The following FOXN3 variants were observed in gnomAD, a reference collection of about 807,000 sequenced individuals.
The protein encoded by FOXN3 is forkhead box N3.
Under a neutral mutation model 38.4 loss-of-function variants are expected in FOXN3, and 7 were observed. That is an observed-to-expected ratio of 0.18 (90% CI 0.10 to 0.34). The LOEUF (loss-of-function observed/expected upper bound fraction) is 0.34, where lower values mean the gene tolerates loss of function less well. FOXN3 is among the 10% of genes least tolerant of loss of function. FOXN3 has a pLI of 1.00. For missense variants in FOXN3, 456 were observed against 613.4 expected (o/e 0.74, Z 2.71); for synonymous variants, 230 against 242.2 (o/e 0.95, Z 0.47).
At chr14:89,439,934 G>A (rs973190004) in intron 1 of FOXN3, among the ~76,000 whole-genome samples, 2 of 152,130 alleles carry the variant, frequency 1.3e-5, no homozygotes, top group Non-Finnish European at 2.9e-5. Flanking sequence ...GATTACAGGC[G>A]TGACCCACCG....
intron 1 of FOXN3, among the ~76,000 whole-genome samples, chr14:89,537,477 ATG>A (rs1894713014): frequency 6.6e-6 from 1 of 152,134 alleles, no homozygotes; most frequent in African/African-American, 2.4e-5. Flanking sequence ...GGATGGATGG[ATG>A]GATGGATGGA....
intron 3 of FOXN3, among the ~76,000 whole-genome samples, chr14:89,300,602 T>G (rs903936947): frequency 6.6e-6 from 1 of 152,180 alleles, no homozygotes; most frequent in African/African-American, 2.4e-5. Flanking sequence ...TGATTTCCCT[T>G]GATTATTCAT....
intron 4 of FOXN3, among the ~76,000 whole-genome samples, chr14:89,207,566 T>C (rs1225470918): frequency 6.6e-6 from 1 of 151,738 alleles, no homozygotes; most frequent in Non-Finnish European, 1.5e-5. Flanking sequence ...GTGAAGGAGG[T>C]GGTGGAAAGT....
chr14:89,380,124 G>C (rs980045057), intron 2 of FOXN3, among the ~76,000 whole-genome samples: 1 of 152,206 alleles, frequency 6.6e-6, no homozygotes, highest in Non-Finnish European at 1.5e-5. Flanking sequence ...CACATGTCGG[G>C]GGAGGGACCC....
intron 2 of FOXN3, among the ~76,000 whole-genome samples, chr14:89,354,820 A>G (rs1414212980): frequency 1.3e-5 from 2 of 151,852 alleles, no homozygotes; most frequent in African/African-American, 4.8e-5. Flanking sequence ...GTGCCATTGC[A>G]CTCCAGCCTG....
At chr14:89,324,159 A>G (rs1887974805) in intron 3 of FOXN3, among the ~76,000 whole-genome samples, 1 of 152,246 alleles carries the variant, frequency 6.6e-6, no homozygotes, top group Admixed American at 6.5e-5. Context: ...TTTGCCGAAT[A>G]TCAGTAATAG....
intron 4 of FOXN3, among the ~76,000 whole-genome samples, chr14:89,238,663 T>C (rs1885049931): frequency 6.6e-6 from 1 of 152,216 alleles, no homozygotes; most frequent in Non-Finnish European, 1.5e-5. Context: ...AGGTATGTCC[T>C]AAGCAACTAG....
At chr14:89,398,775 C>T (rs945655203) in intron 2 of FOXN3, among the ~76,000 whole-genome samples, 2 of 152,160 alleles carry the variant, frequency 1.3e-5, no homozygotes, top group African/African-American at 2.4e-5. Flanking sequence ...CACCTGAGGT[C>T]GGGAGTTCAA....
chr14:89,327,969 A>G (rs781064006), intron 3 of FOXN3, among the ~76,000 whole-genome samples: 10 of 152,196 alleles, frequency 6.6e-5, no homozygotes, highest in Non-Finnish European at 1.3e-4. Flanking sequence ...TGTCAACACT[A>G]AAAACCCAGG....
intron 1 of FOXN3, among the ~76,000 whole-genome samples, chr14:89,476,304 C>G (rs1444912671): frequency 6.6e-6 from 1 of 152,126 alleles, no homozygotes; most frequent in Non-Finnish European, 1.5e-5. Flanking sequence ...ATTGACTGGG[C>G]CAATCTGAAT....
At chr14:89,457,799 G>A (rs752896825) in intron 1 of FOXN3, among the ~76,000 whole-genome samples, 7 of 151,996 alleles carry the variant, frequency 4.6e-5, no homozygotes, top group Non-Finnish European at 8.8e-5. Context: ...GATCACCTGA[G>A]GTCGGGAGTT....
intron 1 of FOXN3, among the ~76,000 whole-genome samples, chr14:89,506,137 G>T (rs1269471100): frequency 9.7e-6 from 1 of 102,632 alleles, no homozygotes; most frequent in African/African-American, 3.3e-5. Context: ...CTGCCCGGCC[G>T]CCCCTACTGG....
At chr14:89,433,976 G>A (rs1352722571) in intron 1 of FOXN3, among the ~76,000 whole-genome samples, 1 of 145,330 alleles carries the variant, frequency 6.9e-6, no homozygotes, top group African/African-American at 2.6e-5. Flanking sequence ...CCAGGCTGGA[G>A]TGCAATGGCC....
chr14:89,371,486 G>A (rs1000099702), intron 2 of FOXN3, among the ~76,000 whole-genome samples: 12 of 151,834 alleles, frequency 7.9e-5, no homozygotes, highest in East Asian at 1.9e-4. Context: ...TTGTGTGCCC[G>A]GCATTAAGCA....
intron 3 of FOXN3, among the ~76,000 whole-genome samples, chr14:89,334,006 A>ATATATATG (rs1555418840): frequency 2.0e-5 from 1 of 49,398 alleles, no homozygotes; most frequent in African/African-American, 6.1e-5. Context: ...ATATATATAT[A>ATATATATG]TATGTATATA....
At chr14:89,579,043 T>G (rs1895691509) in intron 1 of FOXN3, among the ~76,000 whole-genome samples, 1 of 151,968 alleles carries the variant, frequency 6.6e-6, no homozygotes, top group Non-Finnish European at 1.5e-5. Context: ...AGAGACGAGG[T>G]CTCACTATGT....
At chr14:89,614,640 C>T (rs1252613665) in intron 1 of FOXN3, among the ~76,000 whole-genome samples, 1 of 152,214 alleles carries the variant, frequency 6.6e-6, no homozygotes, top group African/African-American at 2.4e-5. Flanking sequence ...CAGTGATTTG[C>T]AAACTGTGTA....
At chr14:89,186,882 C>T (rs1167123496) in intron 4 of FOXN3, among the ~76,000 whole-genome samples, 3 of 152,186 alleles carry the variant, frequency 2.0e-5, no homozygotes, top group Admixed American at 2.0e-4. Context: ...ACATGGTGTG[C>T]TGGGCTCCCT....
intron 1 of FOXN3, among the ~76,000 whole-genome samples, chr14:89,593,569 A>C (rs1896000214): frequency 6.6e-6 from 1 of 152,256 alleles, no homozygotes; most frequent in African/African-American, 2.4e-5. Context: ...GGTAAGGTCT[A>C]TATTCTCATC....
Sources: gnomAD v4.1 joint callset for allele counts (sites outside exome capture counted in the v4.1 genomes callset) on GRCh38, gnomAD v4.1.1 for gene constraint, MANE v1.5 for transcripts, NCBI Gene and HGNC (gene_info 2026-07-23, HGNC 2026-07-21) for gene names.